The following MAPK4 variants were observed in gnomAD, a reference collection of about 807,000 sequenced individuals.
MAPK4 encodes the protein mitogen-activated protein kinase 4.
Under a neutral mutation model 47.7 loss-of-function variants are expected in MAPK4, and 22 were observed. The observed-to-expected ratio is 0.46, with a 90% CI of 0.33 to 0.66. The LOEUF is 0.66. Among genes scored for constraint, MAPK4 ranks in the 30% least tolerant of loss-of-function variants. The pLI, the probability that MAPK4 is intolerant of heterozygous loss-of-function variation, is 0.02. For synonymous variants in MAPK4, 390 were observed against 365.7 expected, an observed-to-expected ratio of 1.07 and a Z score of -0.76; for missense variants, 736 against 831.7, an observed-to-expected ratio of 0.88 and a Z score of 1.42.
At chr18:50,687,383 C>G (rs1444517059) in intron 2 of MAPK4, among the ~76,000 whole-genome samples, 1 of 152,198 alleles carries the variant, frequency 6.6e-6, no homozygotes, top group Non-Finnish European at 1.5e-5. Context: ...AGTAGCTCCA[C>G]CCCTCAAGTT....
At chr18:50,587,373 C>G (rs917277610) in intron 1 of MAPK4, among the ~76,000 whole-genome samples, 1 of 152,344 alleles carries the variant, frequency 6.6e-6, no homozygotes, top group East Asian at 1.9e-4. Flanking sequence ...GCCTTGATTT[C>G]AGACCTCCCA....
chr18:50,688,152 G>A (rs376581683), intron 2 of MAPK4, among the ~76,000 whole-genome samples: 6 of 152,262 alleles, frequency 3.9e-5, no homozygotes, highest in African/African-American at 9.6e-5. Flanking sequence ...TGGGGGAGGC[G>A]GCAGGTTGGC....
At chr18:50,693,689 T>G (rs1217536912) in intron 2 of MAPK4, among the ~76,000 whole-genome samples, 1 of 152,226 alleles carries the variant, frequency 6.6e-6, no homozygotes, top group Non-Finnish European at 1.5e-5. Context: ...CAAGCGTGCA[T>G]GTGCTTTCCG....
chr18:50,636,753 T>C (rs1769397086), intron 1 of MAPK4, among the ~76,000 whole-genome samples: 1 of 152,226 alleles, frequency 6.6e-6, no homozygotes, highest in African/African-American at 2.4e-5. Context: ...ACATCCTTGA[T>C]TCCTTCTGGC....
chr18:50,594,199 C>T lies in MAPK4; in HGVS notation c.-871+33956C>T, dbSNP rs183014942. Among the ~76,000 whole-genome samples, 145 of 152,300 alleles carry T rather than the reference C, an allele frequency of 9.5e-4. No individual in the cohort carries two copies. The South Asian group carries it at 0.027, about 28-fold the overall frequency. ...CTTCTTCCGCCTGCTTTATTCTAGCCGCGCTGGCAGCCAATTGCATGGTGC... is the reference window on the plus strand; with the variant it reads ...CTTCTTCCGCCTGCTTTATTCTAGCTGCGCTGGCAGCCAATTGCATGGTGC... On this transcript the variant is annotated intron_variant, in intron 1 of 5. Coordinates refer to ENST00000400384, the MANE Select transcript of MAPK4 (RefSeq NM_002747.4).
intron 1 of MAPK4, among the ~76,000 whole-genome samples, chr18:50,638,632 T>G (rs1023542733): frequency 6.6e-6 from 1 of 152,234 alleles, no homozygotes; most frequent in African/African-American, 2.4e-5. Context: ...CACTGTTGCA[T>G]TAATGCAGTT....
At chr18:50,697,931 G>A (rs1024987257) in intron 2 of MAPK4, among the ~76,000 whole-genome samples, 1 of 152,124 alleles carries the variant, frequency 6.6e-6, no homozygotes, top group Admixed American at 6.5e-5. Context: ...AGGGGAGTTC[G>A]CTCTTATTCC....
intron 1 of MAPK4, among the ~76,000 whole-genome samples, chr18:50,577,199 T>C (rs1275595956): frequency 6.6e-6 from 1 of 152,206 alleles, no homozygotes; most frequent in African/African-American, 2.4e-5. Context: ...ACCAATGGTA[T>C]GTGTTGTCAT....
At chr18:50,611,846 A>T (rs1324579420) in intron 1 of MAPK4, among the ~76,000 whole-genome samples, 3 of 152,164 alleles carry the variant, frequency 2.0e-5, no homozygotes, top group Admixed American at 2.0e-4. Flanking sequence ...CACCATTGAC[A>T]TCACTTTCCC....
intron 1 of MAPK4, among the ~76,000 whole-genome samples, chr18:50,615,057 C>T (rs762080277): frequency 7.2e-5 from 11 of 152,150 alleles, no homozygotes; most frequent in Non-Finnish European, 1.0e-4. Flanking sequence ...AGGACTAGGG[C>T]AAGAGATGTG....
chr18:50,589,454 A>G (rs933591602), intron 1 of MAPK4, among the ~76,000 whole-genome samples: 3 of 149,914 alleles, frequency 2.0e-5, no homozygotes, highest in South Asian at 2.1e-4. Context: ...AAATTAGCCG[A>G]GCGTGGTGGC....
chr18:50,725,653 T>A (rs531808384), intron 4 of MAPK4, among the ~76,000 whole-genome samples: 7 of 152,308 alleles, frequency 4.6e-5, no homozygotes, highest in African/African-American at 1.4e-4. Flanking sequence ...CCCCACCACA[T>A]AAACTACCTA....
chr18:50,718,519 G>A lies in MAPK4; in HGVS notation c.691+3296G>A, dbSNP rs1208018411. Reference sequence around the variant, plus strand: ...AGGCATGAGCCACTGCACCCAGCCTGCCAAGAAAATATTTATATTGGGCAC... The same window carrying A: ...AGGCATGAGCCACTGCACCCAGCCTACCAAGAAAATATTTATATTGGGCAC... On this transcript the variant is annotated intron_variant, in intron 3 of 5. Transcript: ENST00000400384. Among the ~76,000 whole-genome samples, 3 of 152,084 alleles carry A rather than the reference G, an allele frequency of 2.0e-5. No homozygotes were observed. The East Asian group carries it at 5.8e-4, about 30-fold the overall frequency.
At chr18:50,675,373 A>G (rs1428789009) in intron 2 of MAPK4, among the ~76,000 whole-genome samples, 1 of 151,168 alleles carries the variant, frequency 6.6e-6, no homozygotes. Context: ...CTGGAGTGCA[A>G]TAGTGCAGTC....
intron 5 of MAPK4, 82 bp downstream of exon 5, chr18:50,726,257 C>T: frequency 1.5e-6 from 2 of 1,327,680 alleles, no homozygotes; most frequent in Non-Finnish European, 1.1e-6. Flanking sequence ...GTGACCTTCC[C>T]CTCTGTCTCC....
chr18:50,635,900 G>C (rs936917277), intron 1 of MAPK4, among the ~76,000 whole-genome samples: 4 of 152,200 alleles, frequency 2.6e-5, no homozygotes, highest in African/African-American at 9.7e-5. Flanking sequence ...CCATGGCCTG[G>C]TCCACTATAG....
At chr18:50,610,686 A>G (rs1377818406) in intron 1 of MAPK4, among the ~76,000 whole-genome samples, 1 of 152,186 alleles carries the variant, frequency 6.6e-6, no homozygotes, top group Non-Finnish European at 1.5e-5. Flanking sequence ...TAAATGGTAG[A>G]CGTTATTGTG....
At chr18:50,621,343 C>A (rs1340725002) in intron 1 of MAPK4, among the ~76,000 whole-genome samples, 1 of 152,112 alleles carries the variant, frequency 6.6e-6, no homozygotes, top group African/African-American at 2.4e-5. Context: ...TGTTCTTAAG[C>A]ACAAAAATGT....
chr18:50,632,826 G>T (rs1453688348), intron 1 of MAPK4, among the ~76,000 whole-genome samples: 1 of 152,150 alleles, frequency 6.6e-6, no homozygotes, highest in Non-Finnish European at 1.5e-5. Flanking sequence ...TACCATGTTG[G>T]CCAGGCTGGT....
Sources: gnomAD v4.1 joint callset for allele counts (sites outside exome capture counted in the v4.1 genomes callset) on GRCh38, gnomAD v4.1.1 for gene constraint, MANE v1.5 for transcripts, NCBI Gene and HGNC (gene_info 2026-07-23, HGNC 2026-07-21) for gene names.